The following CARM1 variants were observed in gnomAD, a reference collection of about 807,000 sequenced individuals.
The protein encoded by CARM1 is histone-arginine methyltransferase CARM1.
A neutral mutation model predicts 72.7 loss-of-function variants in CARM1; 14 were observed. That is an observed-to-expected ratio of 0.19 (90% CI 0.13 to 0.30). CARM1 has a LOEUF of 0.30. CARM1 is among the 10% of genes least tolerant of loss of function. The pLI is 1.00. For synonymous variants in CARM1, 333 were observed against 345.5 expected (o/e 0.96, Z 0.40); for missense variants, 432 against 833.7 (o/e 0.52, Z 5.93).
At chr19:10,872,778 A>C (rs889895286) in intron 1 of CARM1, among the ~76,000 whole-genome samples, 2 of 150,246 alleles carry the variant, frequency 1.3e-5, no homozygotes, top group Non-Finnish European at 3.0e-5. Flanking sequence ...ACTCCTTCTT[A>C]TCTCTTCTCT....
rs2074157605 is a variant in CARM1, at chr19:10,912,330, T to C, written c.669+36T>C. ...CGCTGGTGCCCACCCAGCCTCGTCC[T>C]CGCCCATGAGTGCCATGCCGGCCCC... On this transcript the variant is annotated intron_variant, in intron 5 of 15. Coordinates refer to ENST00000327064, the MANE Select transcript of CARM1 (RefSeq NM_199141.2). This position sits in a 1 kb window ranked among gnomAD's most constrained non-coding sequence, Gnocchi z 4.5. 3 of 1,503,668 alleles carry C rather than the reference T, an allele frequency of 2.0e-6. No homozygotes were observed. The highest frequency in any genetic ancestry group is 1.4e-5 in the African/African-American group (1 of 72,588). 93.1% of individuals were successfully genotyped at this position (1,503,668 alleles called of 1,614,324 possible).
Position 10,871,973 on chromosome 19 carries a change from C to G in CARM1, c.220+51C>G. On this transcript the variant is annotated intron_variant, in intron 1 of 15. Coordinates refer to ENST00000327064, the MANE Select transcript of CARM1 (RefSeq NM_199141.2). This position sits in a 1 kb window ranked among gnomAD's most constrained non-coding sequence, Gnocchi z 5.6. ...GCAGGGCCGGGGCTGCTCACGAGGC[C>G]GGCCCGGGGCGGGGGCCGGCGGGGA... 8.6e-7 allele frequency: 1 copy of G among 1,158,904 alleles called. No individual in the cohort carries two copies. The highest frequency in any genetic ancestry group is 1.1e-6 in the Non-Finnish European group (1 of 939,998). The allele number at this position is 1,158,904 out of a possible 1,614,324, so 71.8% of individuals were successfully genotyped here.
chr19:10,874,245 C>T (rs1006967517), intron 1 of CARM1, among the ~76,000 whole-genome samples: 5 of 152,012 alleles, frequency 3.3e-5, no homozygotes, highest in African/African-American at 1.2e-4. Flanking sequence ...GCCACCCCAC[C>T]TGACCGGAAA....
chr19:10,871,640 A>AGCG lies in CARM1; in HGVS notation c.-54_-52dup, dbSNP rs1241679236. On this transcript the variant is annotated 5_prime_UTR_variant, in exon 1 of 16. Transcript: ENST00000327064. The surrounding 1 kb of genome is among the most constrained non-coding windows in gnomAD (Gnocchi z 5.6). ...CGGCGGCGGCGGCGGCGGCGGCGGC[A>AGCG]GCGGCGGCGGCCTGGGCCCGGGCGC... The AGCG allele has an allele frequency of 1.1e-3, 155 of 143,124 alleles. 2 individuals carry two copies. Among genetic ancestry groups the AGCG allele is most frequent in the African/African-American group, 5.1e-3 (132 of 25,770 alleles). The allele number at this position is 143,124 out of a possible 1,614,324, so 8.9% of individuals were successfully genotyped here.
At chr19:10,890,292 A>G in intron 1 of CARM1, among the ~76,000 whole-genome samples, 1 of 141,898 alleles carries the variant, frequency 7.0e-6, no homozygotes, top group Admixed American at 7.1e-5. Flanking sequence ...TTTGAGACAG[A>G]GTTTCGCTCT....
At chr19:10,897,954 A>C (rs2074035968) in intron 1 of CARM1, among the ~76,000 whole-genome samples, 1 of 151,928 alleles carries the variant, frequency 6.6e-6, no homozygotes, top group South Asian at 2.1e-4. Context: ...AAATACAAAA[A>C]AAATTAGCCG....
chr19:10,919,341 A>G (rs1412419549), intron 8 of CARM1: 1 of 483,686 alleles, frequency 2.1e-6, no homozygotes, highest in Middle Eastern at 5.5e-4. Context: ...TGATGTGTTC[A>G]TGTATCTGGA....
In CARM1 at chr19:10,921,847, G is replaced by A. The variant is rs1246726296; in HGVS notation, c.*90G>A. The A allele has an allele frequency of 3.1e-6, 4 of 1,305,624 alleles. No individual in the cohort carries two copies. Among genetic ancestry groups the A allele is most frequent in the Non-Finnish European group, 4.2e-6 (4 of 950,010 alleles). The allele number at this position is 1,305,624 out of a possible 1,614,324, so 80.9% of individuals were successfully genotyped here. On this transcript the variant is annotated 3_prime_UTR_variant, in exon 16 of 16. Coordinates refer to ENST00000327064, the MANE Select transcript of CARM1 (RefSeq NM_199141.2). ...GGGCGGCTTTCCCCCTTGTACTGGA[G>A]AAGCTCGAACACCCGGTCACAGCTC...
intron 15 of CARM1, 69 bp downstream of exon 15, chr19:10,921,512 G>T (rs2074249558): frequency 6.4e-7 from 1 of 1,567,952 alleles, no homozygotes; most frequent in African/African-American, 1.4e-5. Context: ...CCTCTGTCCG[G>T]CCGCCCGCCT....
intron 1 of CARM1, among the ~76,000 whole-genome samples, chr19:10,875,941 A>G (rs2073861289): frequency 6.9e-6 from 1 of 145,694 alleles, no homozygotes; most frequent in African/African-American, 2.6e-5. Flanking sequence ...ATCTCGGCTC[A>G]CTGCAACCTC....
At chr19:10,910,355 C>T (rs993227760) in intron 4 of CARM1, among the ~76,000 whole-genome samples, 10 of 151,698 alleles carry the variant, frequency 6.6e-5, no homozygotes, top group Non-Finnish European at 1.0e-4. Flanking sequence ...GTGGCAGGCA[C>T]CTGTAGTCCC....
intron 1 of CARM1, among the ~76,000 whole-genome samples, chr19:10,903,416 A>C (rs1312054427): frequency 6.6e-6 from 1 of 152,210 alleles, no homozygotes; most frequent in Non-Finnish European, 1.5e-5. Flanking sequence ...AAAGCAAGCT[A>C]CTGACATCAT....
At chr19:10,900,310 T>TA (rs1415723130) in intron 1 of CARM1, among the ~76,000 whole-genome samples, 7 of 152,336 alleles carry the variant, frequency 4.6e-5, no homozygotes, top group Admixed American at 2.6e-4. Context: ...CACCTCTATC[T>TA]ACTCCCAAAA....
At position 10,922,027 on chromosome 19, in the gene CARM1, G is replaced by C; in HGVS notation, c.*270G>C. 6.7e-6 allele frequency: 2 copies of C among 300,434 alleles called. No individual in the cohort carries two copies. The highest frequency in any genetic ancestry group is 1.2e-5 in the Non-Finnish European group (2 of 161,884). 18.6% of individuals were successfully genotyped at this position (300,434 alleles called of 1,614,324 possible). A position where few individuals can be genotyped will look rare whatever the true frequency, so the allele number is the denominator to read the frequency against. ...TCCCCCCTCCTGCCCGCTCTACCCT[G>C]ACCTGGGCTTGTCATCTGCTGGAAC... On this transcript the variant is annotated 3_prime_UTR_variant, in exon 16 of 16. Coordinates refer to ENST00000327064, the MANE Select transcript of CARM1 (RefSeq NM_199141.2).
chr19:10,887,281 T>C (rs2073948920), intron 1 of CARM1, among the ~76,000 whole-genome samples: 1 of 152,214 alleles, frequency 6.6e-6, no homozygotes, highest in Non-Finnish European at 1.5e-5. Flanking sequence ...GTGTTGGCCA[T>C]AGCGACCTCT....
At position 10,921,964 on chromosome 19, in the gene CARM1, G is replaced by A; in HGVS notation, c.*207G>A. The A allele has an allele frequency of 1.9e-6, 1 of 521,834 alleles. No individual in the cohort carries two copies. Among genetic ancestry groups the A allele is most frequent in the South Asian group, 2.6e-5 (1 of 37,792 alleles). The allele number at this position is 521,834 out of a possible 1,614,324, so 32.3% of individuals were successfully genotyped here. On this transcript the variant is annotated 3_prime_UTR_variant, in exon 16 of 16. Transcript: ENST00000327064. ...CTCCCGGCCCTGAGCGTGTGTCGCT[G>A]CCATATTTTACACAAAATCATGTTG...
intron 1 of CARM1, among the ~76,000 whole-genome samples, chr19:10,883,600 C>T (rs559533737): frequency 1.3e-4 from 20 of 152,304 alleles, no homozygotes; most frequent in African/African-American, 4.3e-4. Context: ...TTCCTCAGGC[C>T]GGCGTGCAGT....
chr19:10,895,515 G>A (rs914314115), intron 1 of CARM1, among the ~76,000 whole-genome samples: 1 of 152,238 alleles, frequency 6.6e-6, no homozygotes, highest in South Asian at 2.1e-4. Flanking sequence ...GCAAGGGGGA[G>A]GGGAAGGAGG....
In CARM1 at chr19:10,912,824, T is replaced by C. The variant is rs955187794; in HGVS notation, c.669+530T>C. 2.6e-5 allele frequency among the ~76,000 whole-genome samples: 4 copies of C among 152,218 alleles called. No homozygotes were observed. The highest frequency in any genetic ancestry group is 9.6e-5 in the African/African-American group (4 of 41,468). ...ACCCCTGTGCCCAGCCGTGCCGCTGTTGCTTTAGCTGCATTGTGTCCGCAG... is the reference window on the plus strand; with the variant it reads ...ACCCCTGTGCCCAGCCGTGCCGCTGCTGCTTTAGCTGCATTGTGTCCGCAG... On this transcript the variant is annotated intron_variant, in intron 5 of 15. Transcript: ENST00000327064. The surrounding 1 kb of genome is among the most constrained non-coding windows in gnomAD (Gnocchi z 4.5).
Sources: allele counts gnomAD v4.1 joint callset (sites outside exome capture counted in the v4.1 genomes callset), GRCh38; gene constraint gnomAD v4.1.1; non-coding constraint Gnocchi (gnomAD v3.1); transcripts MANE v1.5; gene names NCBI Gene and HGNC (gene_info 2026-07-23, HGNC 2026-07-21).